The following SAP130 variants were observed in gnomAD, a reference collection of about 807,000 sequenced individuals.
SAP130 encodes Sin3A associated protein 130.
Under a neutral mutation model 103.2 loss-of-function variants are expected in SAP130, and 16 were observed. The ratio of observed to expected loss-of-function variants is 0.16; its 90% confidence interval spans 0.10 to 0.24. SAP130 has a LOEUF of 0.24. SAP130 is among the 10% of genes least tolerant of loss of function. The pLI is 1.00. For missense variants in SAP130, 990 were observed against 1,359.7 expected, an observed-to-expected ratio of 0.73 and a Z score of 4.28; for synonymous variants, 477 against 497.0, an observed-to-expected ratio of 0.96 and a Z score of 0.53.
chr2:127,962,093 T>C (rs1680297069), intron 15 of SAP130, among the ~76,000 whole-genome samples: 1 of 152,248 alleles, frequency 6.6e-6, no homozygotes, highest in South Asian at 2.1e-4. Context: ...TTGGTAAGTA[T>C]TGCGAAGTTG....
At chr2:127,964,774 A>T (rs1431650523) in intron 15 of SAP130, among the ~76,000 whole-genome samples, 1 of 151,372 alleles carries the variant, frequency 6.6e-6, no homozygotes, top group Non-Finnish European at 1.5e-5. Context: ...AGGCGGGTGG[A>T]TCACCTGAGG....
intron 15 of SAP130, among the ~76,000 whole-genome samples, chr2:127,969,445 C>T (rs570947021): frequency 2.6e-4 from 40 of 152,286 alleles, no homozygotes; most frequent in African/African-American, 9.6e-4. Context: ...TTGTGTTTGG[C>T]CTGCCTCTGA....
intron 1 of SAP130, chr2:128,026,971 G>T: frequency 2.1e-6 from 2 of 961,394 alleles, no homozygotes; most frequent in Non-Finnish European, 2.8e-6. Flanking sequence ...CGAAGCCCCC[G>T]CTGAGACCGG....
chr2:127,949,791 T>G, intron 18 of SAP130, 78 bp downstream of exon 18: 2 of 1,450,616 alleles, frequency 1.4e-6, no homozygotes, highest in Non-Finnish European at 1.9e-6. Context: ...AAAATTGTGG[T>G]TCTGTTTTTC....
In SAP130 at chr2:127,996,400, T is replaced by C; in HGVS notation, c.1305A>G (p.Gly435=). The C allele has an allele frequency of 6.2e-7, 1 of 1,611,212 alleles. No individual in the cohort carries two copies. Among genetic ancestry groups the C allele is most frequent in the Admixed American group, 1.7e-5 (1 of 59,550 alleles). ...CCACAGGATTGGGAGAGGCCCGATG[T>C]CCGGAGATGGGAATCAGGCTACTCC... ...AERSSLIPIS[G]HRASPNPVAM... The change falls in exon 11 of 21, where the codon GGA becomes GGG. Residue 435 remains glycine (G), a synonymous_variant. Coordinates refer to ENST00000643581, the MANE Select transcript of SAP130 (RefSeq NM_001330301.2). The surrounding 1 kb of genome is among the most constrained non-coding windows in gnomAD (Gnocchi z 4.3).
At position 127,996,161 on chromosome 2, in the gene SAP130, C is replaced by G. The variant is rs1044868036; in HGVS notation, c.1355+189G>C. On this transcript the variant is annotated intron_variant, in intron 11 of 20. Coordinates refer to ENST00000643581, the MANE Select transcript of SAP130 (RefSeq NM_001330301.2). This position sits in a 1 kb window ranked among gnomAD's most constrained non-coding sequence, Gnocchi z 4.3. ...AAATGGATACTAGGAAAACATCCAT[C>G]AAAAGGAGACTGGCTTGAAAAAAAT... 6.6e-6 allele frequency among the ~76,000 whole-genome samples: 1 copy of G among 151,676 alleles called. No homozygotes were observed. Among genetic ancestry groups the G allele is most frequent in the East Asian group, 1.9e-4 (1 of 5,188 alleles).
Position 127,942,347 on chromosome 2 carries a change from G to A in SAP130, c.3015+77C>T. 1 of 1,152,844 alleles carries A rather than the reference G, an allele frequency of 8.7e-7. No homozygotes were observed. Among genetic ancestry groups the A allele is most frequent in the Non-Finnish European group, 1.3e-6 (1 of 767,600 alleles). The allele number at this position is 1,152,844 out of a possible 1,614,324, so 71.4% of individuals were successfully genotyped here. A position where few individuals can be genotyped will look rare whatever the true frequency, so the allele number is the denominator to read the frequency against. ...TACTGAAGATATGAGGGAGACGGGG[G>A]GAAACGGGAGAAGTAGGGCTTTACA... On this transcript the variant is annotated intron_variant, in intron 20 of 20. Transcript: ENST00000643581. This position sits in a 1 kb window ranked among gnomAD's most constrained non-coding sequence, Gnocchi z 4.8.
chr2:128,016,382 GA>G lies in SAP130; in HGVS notation c.507+6del, dbSNP rs762349385. On this transcript the variant is annotated splice_donor_region_variant and intron_variant, in intron 4 of 20. Transcript: ENST00000643581. ...TTGAAAATCAGCAAATTAAAAGGAA[GA>G]AAAACCTGTTGTCCACTGATTGTTG... is the stretch of plus-strand genomic sequence containing the variant. The G allele has an allele frequency of 1.2e-6, 2 of 1,605,294 alleles. No individual in the cohort carries two copies. Among genetic ancestry groups the G allele is most frequent in the Non-Finnish European group, 8.5e-7 (1 of 1,176,320 alleles).
In SAP130 at chr2:127,977,736, A is replaced by T. The variant is rs72973304; in HGVS notation, c.2063+249T>A. On this transcript the variant is annotated intron_variant, in intron 15 of 20. Coordinates refer to ENST00000643581, the MANE Select transcript of SAP130 (RefSeq NM_001330301.2). The stretch of plus-strand genomic sequence containing the variant: ...CAGGTCATGCAGCTAGAAAGTGCAT[A>T]TAAGTTGGGAGTGGTGGCACACGTC... 8.7e-3 allele frequency among the ~76,000 whole-genome samples: 1,329 copies of T among 152,322 alleles called. 20 individuals carry two copies. Among genetic ancestry groups the T allele is most frequent in the African/African-American group, 0.029 (1,221 of 41,576 alleles).
rs373283992 is a variant in SAP130, at chr2:128,000,467, C to A, written c.870-13G>T. The A allele has an allele frequency of 1.3e-5, 21 of 1,613,980 alleles. No homozygotes were observed. The African/African-American group carries it at 1.6e-4, about 12-fold the overall frequency. ...CAAGGTTGGCCTACTGAAAAGATAA[C>A]AAAGACACAATGCAGATGGGCAAGG... On this transcript the variant is annotated splice_polypyrimidine_tract_variant and intron_variant, in intron 7 of 20. Transcript: ENST00000643581.
chr2:128,006,839 A>T (rs565624202), intron 7 of SAP130, among the ~76,000 whole-genome samples: 7 of 152,252 alleles, frequency 4.6e-5, no homozygotes, highest in East Asian at 1.9e-4. Flanking sequence ...AGTGCTTAAA[A>T]TTTTTTTCTA....
chr2:127,989,611 G>C lies in SAP130; in HGVS notation c.1733C>G (p.Pro578Arg). 2 of 1,614,208 alleles carry C rather than the reference G, an allele frequency of 1.2e-6. No homozygotes were observed. Among genetic ancestry groups the C allele is most frequent in the Non-Finnish European group, 1.7e-6 (2 of 1,180,042 alleles). The change falls in exon 13 of 21, where the codon CCT (proline) becomes CGT (arginine). Residue 578 changes from proline (P) to arginine (R), a missense_variant. Physicochemically the swap from Pro to Arg is moderately radical, Grantham distance 103. This residue lies in a region of SAP130 where 349 missense variants were observed against 384.1 expected (regional missense o/e 0.91). Transcript: ENST00000643581. This position sits in a 1 kb window ranked among gnomAD's most constrained non-coding sequence, Gnocchi z 4.6. ...AGGCTGCTGAGTACCCATAGGTGCA[G>C]GCTGAAGCCCTTGTGTGTTGATTGG... is the stretch of plus-strand genomic sequence containing the variant. ...ATPINTQGLQ[P>R]APMGTQQPQP...
intron 1 of SAP130, among the ~76,000 whole-genome samples, chr2:128,026,544 G>A (rs1685510350): frequency 6.6e-6 from 1 of 152,136 alleles, no homozygotes; most frequent in Non-Finnish European, 1.5e-5. Context: ...CTTGTGGATT[G>A]CTATGCTAAA....
chr2:127,949,763 T>C (rs1257608076), intron 18 of SAP130, 106 bp downstream of exon 18: 40 of 1,190,936 alleles, frequency 3.4e-5, no homozygotes, highest in Admixed American at 9.4e-5. Context: ...CAAAAACTTA[T>C]GGTTTTTTTG....
intron 7 of SAP130, 77 bp downstream of exon 7, chr2:128,010,187 TACTTA>T: frequency 6.9e-7 from 1 of 1,447,878 alleles, no homozygotes; most frequent in Non-Finnish European, 9.4e-7. Flanking sequence ...AATAAATATT[TACTTA>T]AATGAAGGAA....
At chr2:127,960,323 A>G (rs1680148647) in intron 15 of SAP130, among the ~76,000 whole-genome samples, 1 of 152,188 alleles carries the variant, frequency 6.6e-6, no homozygotes. Flanking sequence ...CACCAGGAAC[A>G]ACAGCTGGGC....
At chr2:128,018,313 C>CA (rs200188563) in intron 2 of SAP130, among the ~76,000 whole-genome samples, 3,170 of 50,480 alleles carry the variant, frequency 0.063, 70 homozygotes, top group African/African-American at 0.1. Context: ...ACTAAAAATA[C>CA]AAAAAAAAAA....
At chr2:128,012,474 C>T (rs1239237593) in intron 6 of SAP130, among the ~76,000 whole-genome samples, 1 of 152,000 alleles carries the variant, frequency 6.6e-6, no homozygotes, top group Non-Finnish European at 1.5e-5. Context: ...TCTCAAAAAA[C>T]AAAAACAAAT....
Position 128,013,151 on chromosome 2 carries a change from G to A in SAP130, c.623C>T (p.Ala208Val). The A allele has an allele frequency of 6.3e-7, 1 of 1,587,742 alleles. No homozygotes were observed. Among genetic ancestry groups the A allele is most frequent in the Admixed American group, 1.9e-5 (1 of 53,082 alleles). ...ACTGGACATCACAGCAGCAGCAGCTGCACCTGAAAAAAAAAAAGTGTTTAT... is the reference window on the plus strand; with the variant it reads ...ACTGGACATCACAGCAGCAGCAGCTACACCTGAAAAAAAAAAAGTGTTTAT... ...HIGASHLPRGAAAAAVMSSSK... is the reference protein window; with the variant it reads ...HIGASHLPRGVAAAAVMSSSK... The change falls in exon 6 of 21, where the codon GCA (alanine) becomes GTA (valine). Residue 208 changes from alanine to valine, a missense_variant. By Grantham distance (64) the Ala-to-Val change is moderately conservative. This residue lies in a region of SAP130 where 336 missense variants were observed against 520.1 expected (regional missense o/e 0.65). Transcript: ENST00000643581.
Sources: allele counts gnomAD v4.1 joint callset (sites outside exome capture counted in the v4.1 genomes callset), GRCh38; gene constraint gnomAD v4.1.1; regional missense constraint gnomAD v4.1.1; non-coding constraint Gnocchi (gnomAD v3.1); transcripts MANE v1.5; gene names NCBI Gene and HGNC (gene_info 2026-07-23, HGNC 2026-07-21).